Variants in RORA observed in about 807,000 individuals in gnomAD.
RORA encodes the protein nuclear receptor ROR-alpha.
In RORA, 7 loss-of-function variants were observed where a neutral mutation model predicts 69.5. The ratio of observed to expected loss-of-function variants is 0.10; its 90% CI spans 0.06 to 0.19. The LOEUF is 0.19. Ranked by LOEUF, RORA falls within the 10% of genes least tolerant of loss-of-function variation. The pLI is 1.00. For synonymous variants in RORA, 261 were observed against 240.8 expected (o/e 1.08, Z -0.78); for missense variants, 457 against 663.0 (o/e 0.69, Z 3.41).
intron 1 of RORA, among the ~76,000 whole-genome samples, chr15:61,102,062 G>A (rs1358463311): frequency 3.3e-5 from 5 of 152,180 alleles, no homozygotes; most frequent in Non-Finnish European, 7.4e-5. Flanking sequence ...GTCATCCCCC[G>A]GATCCTAGTT....
At position 60,684,615 on chromosome 15, in the gene RORA, T is replaced by C. The variant is rs147864020; in HGVS notation, c.167-5929A>G. Among the ~76,000 whole-genome samples, 299 of 152,268 alleles carry C rather than the reference T, an allele frequency of 2.0e-3. 2 individuals are homozygous for C. Among genetic ancestry groups the C allele is most frequent in the African/African-American group, 6.8e-3 (281 of 41,538 alleles). ...CTGGGCGACAGTGCGAGACTCCATCTCAAACAAACAAACAAACCACTCAAA... is the reference window on the plus strand; with the variant it reads ...CTGGGCGACAGTGCGAGACTCCATCCCAAACAAACAAACAAACCACTCAAA... On this transcript the variant is annotated intron_variant, in intron 1 of 10. Transcript: ENST00000335670.
intron 2 of RORA, among the ~76,000 whole-genome samples, chr15:60,647,917 TGAG>T (rs2070079243): frequency 6.6e-6 from 1 of 151,774 alleles, no homozygotes; most frequent in South Asian, 2.1e-4. Flanking sequence ...AGGCATCAGG[TGAG>T]GAGGAGGAAG....
chr15:61,109,401 C>T (rs550999242), intron 1 of RORA, among the ~76,000 whole-genome samples: 18 of 152,214 alleles, frequency 1.2e-4, no homozygotes, highest in African/African-American at 3.4e-4. Flanking sequence ...CCCATAAAGG[C>T]CACGGGATTT....
At chr15:60,692,333 C>T (rs373692035) in intron 1 of RORA, among the ~76,000 whole-genome samples, 1 of 151,972 alleles carries the variant, frequency 6.6e-6, no homozygotes, top group Non-Finnish European at 1.5e-5. Context: ...GGTCATTCTT[C>T]CTAAATAAAA....
Position 60,692,230 on chromosome 15 carries a change from C to G in RORA, c.167-13544G>C, listed in dbSNP as rs570812413. Reference sequence around the variant, plus strand: ...TTTGCCAGATTTTTAAAAAAATACACTTTATTTTTAAAGATAGCTCTGTTT... The same window carrying G: ...TTTGCCAGATTTTTAAAAAAATACAGTTTATTTTTAAAGATAGCTCTGTTT... On this transcript the variant is annotated intron_variant, in intron 1 of 10. Coordinates refer to ENST00000335670, the MANE Select transcript of RORA (RefSeq NM_134261.3). Among the ~76,000 whole-genome samples, 4 of 152,254 alleles carry G rather than the reference C, an allele frequency of 2.6e-5. No individual in the cohort carries two copies. In the South Asian group the frequency reaches 8.3e-4, roughly 32 times the overall value.
intron 1 of RORA, among the ~76,000 whole-genome samples, chr15:60,944,636 G>A (rs1203519858): frequency 4.7e-5 from 7 of 149,284 alleles, no homozygotes; most frequent in Non-Finnish European, 8.9e-5. Context: ...GAGGTGAGAG[G>A]ACTGCTTGAG....
chr15:61,027,613 T>A lies in RORA; in HGVS notation c.166+201440A>T, dbSNP rs1157206399. Among the ~76,000 whole-genome samples, 3 of 152,162 alleles carry A rather than the reference T, an allele frequency of 2.0e-5. No homozygotes were observed. The East Asian group carries it at 5.8e-4, about 29-fold the overall frequency. On this transcript the variant is annotated intron_variant, in intron 1 of 10. Transcript: ENST00000335670. ...ATCCAGCTCCCAAGCTTGGGCCACG[T>A]CCTCTGCTCTGTTACAACAAGTATG...
chr15:60,543,921 TAACCAGGGCACGATAGAAAGA>T (rs2066986847), intron 2 of RORA, among the ~76,000 whole-genome samples: 1 of 152,166 alleles, frequency 6.6e-6, no homozygotes, highest in Non-Finnish European at 1.5e-5. Flanking sequence ...GAAACAACAC[TAACCAGGGCACGATAGAAAGA>T]AACCAGTGTT....
intron 1 of RORA, among the ~76,000 whole-genome samples, chr15:60,833,789 T>A (rs2073079869): frequency 6.6e-6 from 1 of 152,224 alleles, no homozygotes; most frequent in Non-Finnish European, 1.5e-5. Flanking sequence ...GAAGAGTGGT[T>A]GAGAGAACAT....
At chr15:60,854,065 C>A (rs901294206) in intron 1 of RORA, among the ~76,000 whole-genome samples, 4 of 152,060 alleles carry the variant, frequency 2.6e-5, no homozygotes, top group African/African-American at 7.2e-5. Flanking sequence ...AGATCGAGAC[C>A]ATCCTGACCA....
At chr15:61,227,378 G>A (rs187295942) in intron 1 of RORA, among the ~76,000 whole-genome samples, 2 of 152,250 alleles carry the variant, frequency 1.3e-5, no homozygotes, top group Admixed American at 1.3e-4. Context: ...CTAGCGGCAG[G>A]TCCAGGCCCC....
chr15:60,968,557 G>C (rs1203184526), intron 1 of RORA, among the ~76,000 whole-genome samples: 1 of 152,154 alleles, frequency 6.6e-6, no homozygotes, highest in Non-Finnish European at 1.5e-5. Context: ...CCTCTCTGGA[G>C]TTTGTGATTT....
chr15:61,197,457 G>T (rs1724407519), intron 1 of RORA, among the ~76,000 whole-genome samples: 1 of 152,160 alleles, frequency 6.6e-6, no homozygotes, highest in Non-Finnish European at 1.5e-5. Flanking sequence ...CCATCTTCCT[G>T]CACCTCAGGT....
chr15:60,984,802 T>G (rs1894148819), intron 1 of RORA, among the ~76,000 whole-genome samples: 2 of 13,056 alleles, frequency 1.5e-4, no homozygotes, highest in South Asian at 2.1e-3. Context: ...TACATATGTC[T>G]TTTTTTTTTT....
At chr15:61,082,153 G>A (rs2078551728) in intron 1 of RORA, among the ~76,000 whole-genome samples, 1 of 152,094 alleles carries the variant, frequency 6.6e-6, no homozygotes, top group East Asian at 1.9e-4. Flanking sequence ...TTTGACTGCC[G>A]AGGTCCACTT....
At chr15:61,185,079 C>T (rs1165338572) in intron 1 of RORA, among the ~76,000 whole-genome samples, 1 of 151,504 alleles carries the variant, frequency 6.6e-6, no homozygotes, top group Non-Finnish European at 1.5e-5. Context: ...ATCAAGGTGG[C>T]AGACACATGG....
intron 2 of RORA, among the ~76,000 whole-genome samples, chr15:60,616,244 A>G: frequency 6.6e-6 from 1 of 152,114 alleles, no homozygotes; most frequent in East Asian, 1.9e-4. Flanking sequence ...GCAATTTGAT[A>G]AAAGTGTTGA....
At chr15:60,507,260 G>A (rs1286746323) in intron 5 of RORA, among the ~76,000 whole-genome samples, 1 of 152,162 alleles carries the variant, frequency 6.6e-6, no homozygotes, top group South Asian at 2.1e-4. Flanking sequence ...GTATAGAATA[G>A]GCAAGTCATT....
Position 60,497,219 on chromosome 15 carries a change from C to T in RORA, c.*236G>A, listed in dbSNP as rs201071249. ...GAGGTCAATGATCAAGAAGTCAAGACAGAAAAAGGGTCCATATCTGTAGGC... is the reference window on the plus strand; with the variant it reads ...GAGGTCAATGATCAAGAAGTCAAGATAGAAAAAGGGTCCATATCTGTAGGC... On this transcript the variant is annotated 3_prime_UTR_variant, in exon 11 of 11. Coordinates refer to ENST00000335670, the MANE Select transcript of RORA (RefSeq NM_134261.3). The T allele has an allele frequency of 1.7e-5, 7 of 410,712 alleles. No individual in the cohort carries two copies. The highest frequency in any genetic ancestry group is 2.6e-5 in the Non-Finnish European group (6 of 229,178). 25.4% of individuals were successfully genotyped at this position (410,712 alleles called of 1,614,324 possible). A position where few individuals can be genotyped will look rare whatever the true frequency, so the allele number is the denominator to read the frequency against.
Sources: gnomAD v4.1 joint callset for allele counts (sites outside exome capture counted in the v4.1 genomes callset) on GRCh38, gnomAD v4.1.1 for gene constraint, MANE v1.5 for transcripts, NCBI Gene and HGNC (gene_info 2026-07-23, HGNC 2026-07-21) for gene names.